The following ADARB1 variants were observed in gnomAD, a reference collection of about 807,000 sequenced individuals.
ADARB1 encodes the protein double-stranded RNA-specific editase 1.
In ADARB1, 10 loss-of-function variants were observed where a neutral mutation model predicts 52.4. The observed-to-expected ratio is 0.19, with a 90% CI of 0.12 to 0.32. The LOEUF (loss-of-function observed/expected upper bound fraction) is 0.32. Among genes scored for constraint, ADARB1 ranks in the 10% least tolerant of loss-of-function variants. The pLI, the probability that ADARB1 is intolerant of heterozygous loss-of-function variation, is 1.00. For synonymous variants in ADARB1, 349 were observed against 371.1 expected (o/e 0.94, Z 0.68); for missense variants, 643 against 922.3 (o/e 0.70, Z 3.92).
intron 8 of ADARB1, among the ~76,000 whole-genome samples, chr21:45,186,996 C>T (rs2092130519): frequency 6.6e-6 from 1 of 152,040 alleles, no homozygotes; most frequent in African/African-American, 2.4e-5. Flanking sequence ...TTTTCAAAAT[C>T]CTTTTGGCTA....
intron 1 of ADARB1, among the ~76,000 whole-genome samples, chr21:45,094,013 C>T (rs924161287): frequency 1.3e-5 from 2 of 152,090 alleles, no homozygotes; most frequent in Admixed American, 1.3e-4. Flanking sequence ...TATTTGTCTG[C>T]CCATCCTGAT....
intron 2 of ADARB1, among the ~76,000 whole-genome samples, chr21:45,139,472 C>T (rs1015034651): frequency 3.3e-5 from 5 of 151,942 alleles, no homozygotes; most frequent in South Asian, 2.1e-4. Flanking sequence ...TTTTTGGCTC[C>T]GTTTTCTCTT....
intron 2 of ADARB1, among the ~76,000 whole-genome samples, chr21:45,137,529 G>C (rs1218892380): frequency 2.6e-5 from 4 of 152,220 alleles, no homozygotes; most frequent in Non-Finnish European, 5.9e-5. Flanking sequence ...ACAGTCCCCT[G>C]ATGTGTGAAG....
At position 45,128,033 on chromosome 21, in the gene ADARB1, G is replaced by T. The variant is rs1299527233; in HGVS notation, c.-219-369G>T. Among the ~76,000 whole-genome samples the T allele has an allele frequency of 6.6e-6, 1 of 152,150 alleles. No homozygotes were observed. Among genetic ancestry groups the T allele is most frequent in the Non-Finnish European group, 1.5e-5 (1 of 68,034 alleles). ...TCTGTATCTGGACTCACATTCACAT[G>T]TGTGCATGTGTAGGGGTGTGTGCAT... On this transcript the variant is annotated intron_variant, in intron 1 of 10. Coordinates refer to ENST00000348831, the MANE Select transcript of ADARB1 (RefSeq NM_001112.4). This position sits in a 1 kb window ranked among gnomAD's most constrained non-coding sequence, Gnocchi z 4.6.
intron 4 of ADARB1, among the ~76,000 whole-genome samples, chr21:45,178,873 T>TA (rs1185853873): frequency 6.6e-6 from 1 of 152,158 alleles, no homozygotes; most frequent in Non-Finnish European, 1.5e-5. Context: ...GTGCCTCAGA[T>TA]GTCTGCGTTA....
At chr21:45,181,768 C>T (rs2091940103) in intron 5 of ADARB1, among the ~76,000 whole-genome samples, 1 of 152,222 alleles carries the variant, frequency 6.6e-6, no homozygotes, top group Non-Finnish European at 1.5e-5. Flanking sequence ...TCAGGGGGCT[C>T]CCGCTGGTTG....
At chr21:45,147,796 C>T (rs772617129) in intron 2 of ADARB1, among the ~76,000 whole-genome samples, 4 of 152,210 alleles carry the variant, frequency 2.6e-5, no homozygotes, top group Non-Finnish European at 5.9e-5. Context: ...AACTGTGAGC[C>T]TTCCTGGCTC....
chr21:45,158,836 G>A (rs898887711), intron 2 of ADARB1, among the ~76,000 whole-genome samples: 1 of 152,228 alleles, frequency 6.6e-6, no homozygotes, highest in Admixed American at 6.5e-5. Context: ...CCGTTCTTTC[G>A]GTTGACGGTG....
rs755745394 is a variant in ADARB1 at position 45,204,043 on chromosome 21, A to G, written c.1566-512A>G. Among the ~76,000 whole-genome samples the G allele has an allele frequency of 1.3e-5, 2 of 152,362 alleles. No individual in the cohort carries two copies. Among genetic ancestry groups the G allele is most frequent in the Non-Finnish European group, 2.9e-5 (2 of 68,024 alleles). On this transcript the variant is annotated intron_variant, in intron 8 of 10. Transcript: ENST00000348831. The surrounding 1 kb of genome is among the most constrained non-coding windows in gnomAD (Gnocchi z 4.4). Reference sequence around the variant, plus strand: ...CAATCTTATCACCAAGGCGACTGCTAATGGGCCAGCGGCATCTGCAACGTG... The same window carrying G: ...CAATCTTATCACCAAGGCGACTGCTGATGGGCCAGCGGCATCTGCAACGTG...
intron 1 of ADARB1, among the ~76,000 whole-genome samples, chr21:45,103,571 C>A (rs2087119539): frequency 6.6e-6 from 1 of 151,816 alleles, no homozygotes; most frequent in Non-Finnish European, 1.5e-5. Flanking sequence ...CAATAGGGTT[C>A]CAGTCCTGTG....
rs371871310 is a variant in ADARB1, at chr21:45,110,294, A to G, written c.-219-18108A>G. On this transcript the variant is annotated intron_variant, in intron 1 of 10. Coordinates refer to ENST00000348831, the MANE Select transcript of ADARB1 (RefSeq NM_001112.4). The stretch of plus-strand genomic sequence containing the variant: ...TTCCATTCACGAAACAAACCTTAAA[A>G]TGTTCATCTGTTTATTCTATGAAAT... 5.9e-5 allele frequency among the ~76,000 whole-genome samples: 9 copies of G among 152,296 alleles called. No individual in the cohort carries two copies. In the South Asian group the frequency reaches 1.0e-3, roughly 18 times the overall value.
chr21:45,219,478 C>T (rs919963686), intron 9 of ADARB1, among the ~76,000 whole-genome samples: 2 of 152,126 alleles, frequency 1.3e-5, no homozygotes, highest in Non-Finnish European at 1.5e-5. Context: ...AAGCCAAGAT[C>T]GCACCACACA....
chr21:45,179,667 T>G (rs2091848975), intron 4 of ADARB1, among the ~76,000 whole-genome samples: 1 of 152,202 alleles, frequency 6.6e-6, no homozygotes, highest in Non-Finnish European at 1.5e-5. Context: ...TGCTGTTCTC[T>G]GGTACATGAT....
At chr21:45,129,603 C>T (rs754702981) in intron 2 of ADARB1, among the ~76,000 whole-genome samples, 10 of 152,258 alleles carry the variant, frequency 6.6e-5, no homozygotes, top group Non-Finnish European at 1.2e-4. Flanking sequence ...TCATGTGAGC[C>T]GCTCACTGGA....
In ADARB1 at chr21:45,176,893, A is replaced by C. The variant is rs1027540387; in HGVS notation, c.963+229A>C. On this transcript the variant is annotated intron_variant, in intron 4 of 10. Coordinates refer to ENST00000348831, the MANE Select transcript of ADARB1 (RefSeq NM_001112.4). The surrounding 1 kb of genome is among the most constrained non-coding windows in gnomAD (Gnocchi z 5.8). ...GGGTCTGTCGCAATGCAAGGCAGGG[A>C]CACCTGAGACCCCGTCCACCAGAGC... Among the ~76,000 whole-genome samples, 1 of 152,060 alleles carries C rather than the reference A, an allele frequency of 6.6e-6. No homozygotes were observed. The highest frequency in any genetic ancestry group is 2.4e-5 in the African/African-American group (1 of 41,374).
Position 45,223,895 on chromosome 21 carries a change from G to A in ADARB1, c.*1698G>A, listed in dbSNP as rs929365003. Reference sequence around the variant, plus strand: ...TGTTGGGGACATGACCGGGTTCAGCGGCTAGAACATCTGCCCCACAGCAGC... The same window carrying A: ...TGTTGGGGACATGACCGGGTTCAGCAGCTAGAACATCTGCCCCACAGCAGC... On this transcript the variant is annotated 3_prime_UTR_variant, in exon 11 of 11. Transcript: ENST00000348831. The A allele has an allele frequency of 1.8e-5, 18 of 985,348 alleles. No individual in the cohort carries two copies. Among genetic ancestry groups the A allele is most frequent in the Admixed American group, 6.2e-5 (1 of 16,260 alleles). 61.0% of individuals were successfully genotyped at this position (985,348 alleles called of 1,614,324 possible).
chr21:45,176,459 C>T lies in ADARB1; in HGVS notation c.758C>T (p.Ser253Phe), dbSNP rs1325407892. ...CCAGGACTCAAGTATGACTTCCTCT[C>T]CGAGAGCGGGGAGAGCCATGCCAAG... ...LRPGLKYDFL[S>F]ESGESHAKSF... Residue 253 changes from serine to phenylalanine, a missense_variant, in exon 4 of 11, where the codon TCC becomes TTC. Ser to Phe is a radical substitution (Grantham distance 155). This residue lies in a region of ADARB1 where 380 missense variants were observed against 446.5 expected (regional missense o/e 0.85). Coordinates refer to ENST00000348831, the MANE Select transcript of ADARB1 (RefSeq NM_001112.4). The surrounding 1 kb of genome is among the most constrained non-coding windows in gnomAD (Gnocchi z 5.8). 1 of 1,614,200 alleles carries T rather than the reference C, an allele frequency of 6.2e-7. No individual in the cohort carries two copies.
intron 1 of ADARB1, among the ~76,000 whole-genome samples, chr21:45,088,162 G>A (rs1263419740): frequency 1.3e-5 from 2 of 152,246 alleles, no homozygotes; most frequent in Non-Finnish European, 2.9e-5. Flanking sequence ...GCATGGGTTA[G>A]TGATACACCT....
intron 8 of ADARB1, among the ~76,000 whole-genome samples, chr21:45,196,299 A>G (rs1446359675): frequency 6.6e-6 from 1 of 152,014 alleles, no homozygotes. Context: ...CTGTGCAGAA[A>G]AAAAAAAAGC....
Sources: allele counts gnomAD v4.1 joint callset (sites outside exome capture counted in the v4.1 genomes callset), GRCh38; gene constraint gnomAD v4.1.1; regional missense constraint gnomAD v4.1.1; non-coding constraint Gnocchi (gnomAD v3.1); transcripts MANE v1.5; gene names NCBI Gene and HGNC (gene_info 2026-07-23, HGNC 2026-07-21).